UBE2E1: variants seen among roughly 807,000 people sequenced by gnomAD.
The protein encoded by UBE2E1 is ubiquitin conjugating enzyme E2 E1.
Under a neutral mutation model 21.4 loss-of-function variants are expected in UBE2E1, and 6 were observed. That is an observed-to-expected ratio of 0.28 (90% confidence interval 0.15 to 0.55). UBE2E1 has a LOEUF of 0.55. UBE2E1 is among the 20% of genes least tolerant of loss of function. UBE2E1 has a pLI of 0.93. For missense variants in UBE2E1, 142 were observed against 236.5 expected, an observed-to-expected ratio of 0.60 and a Z score of 2.62; for synonymous variants, 87 against 82.7, an observed-to-expected ratio of 1.05 and a Z score of -0.28.
chr3:23,850,079 G>A (rs142525983), intron 3 of UBE2E1, among the ~76,000 whole-genome samples: 1,536 of 152,206 alleles, frequency 0.01, 24 homozygotes, highest in African/African-American at 0.034. Context: ...ATTCTCATTG[G>A]AAAAATGTCT....
At chr3:23,838,844 A>G (rs1370075527) in intron 3 of UBE2E1, among the ~76,000 whole-genome samples, 1 of 142,300 alleles carries the variant, frequency 7.0e-6, no homozygotes, top group African/African-American at 2.6e-5. Flanking sequence ...TCCTATTTGT[A>G]TTTCCTTTTT....
Position 23,887,177 on chromosome 3 carries a change from T to G in UBE2E1, c.204-390T>G, listed in dbSNP as rs1559496313. 6.6e-6 allele frequency among the ~76,000 whole-genome samples: 1 copy of G among 152,218 alleles called. No homozygotes were observed. Among genetic ancestry groups the G allele is most frequent in the Non-Finnish European group, 1.5e-5 (1 of 68,044 alleles). ...GGTCAGAAAATGAAACTTCTGTGCT[T>G]AAAATGGTCATAAGTGATGTAGCTG... On this transcript the variant is annotated intron_variant, in intron 3 of 5. Transcript: ENST00000306627. This position sits in a 1 kb window ranked among gnomAD's most constrained non-coding sequence, Gnocchi z 4.4.
In UBE2E1 at chr3:23,870,978, G is replaced by A. The variant is rs2125319676; in HGVS notation, c.204-16589G>A. Among the ~76,000 whole-genome samples, 1 of 152,308 alleles carries A rather than the reference G, an allele frequency of 6.6e-6. No homozygotes were observed. Among genetic ancestry groups the A allele is most frequent in the South Asian group, 2.1e-4 (1 of 4,826 alleles). ...GAGTGGACACAGCACATGTTTCAGA[G>A]GGCACAGGGTTGGGGGTAAGGTCAC... On this transcript the variant is annotated intron_variant, in intron 3 of 5. Transcript: ENST00000306627. The surrounding 1 kb of genome is among the most constrained non-coding windows in gnomAD (Gnocchi z 4.2).
Position 23,887,573 on chromosome 3 carries a change from T to C in UBE2E1, c.210T>C (p.Gly70=), listed in dbSNP as rs755262309. Residue 70 remains glycine (G), a synonymous_variant, in exon 4 of 6, where the codon GGT becomes GGC. Transcript: ENST00000306627. This position sits in a 1 kb window ranked among gnomAD's most constrained non-coding sequence, Gnocchi z 4.4. ...TLDPPPNCSA[G]PKGDNIYEWR... ...GTTGACGTATTATTCACAGTGCTGG[T>C]CCCAAAGGCGATAACATCTATGAAT... 6.2e-7 allele frequency: 1 copy of C among 1,610,254 alleles called. No homozygotes were observed. Among genetic ancestry groups the C allele is most frequent in the Admixed American group, 1.7e-5 (1 of 58,670 alleles).
In UBE2E1 at chr3:23,807,257, TG is replaced by T. The variant is rs1364984183; in HGVS notation, c.-7del. 4.4e-6 allele frequency: 7 copies of T among 1,607,862 alleles called. No individual in the cohort carries two copies. Among genetic ancestry groups the T allele is most frequent in the South Asian group, 1.1e-5 (1 of 90,582 alleles). Reference sequence around the variant, plus strand: ...TGCAGGGGCTGTTTGCGGGGTGGGGTGGGGGGTTCGCTATGTCGGATGACGA... The same window carrying T: ...TGCAGGGGCTGTTTGCGGGGTGGGGTGGGGGTTCGCTATGTCGGATGACGA... On this transcript the variant is annotated 5_prime_UTR_variant, in exon 2 of 6. Transcript: ENST00000306627.
chr3:23,858,840 A>G lies in UBE2E1; in HGVS notation c.204-28727A>G, dbSNP rs934713116. 3.9e-5 allele frequency among the ~76,000 whole-genome samples: 6 copies of G among 152,236 alleles called. No homozygotes were observed. The South Asian group carries it at 6.2e-4, about 16-fold the overall frequency. ...AAGGGAGCTTGAAAGCTGGCATGCTATCTGCTTACATGTGAGGGAGAGGAG... is the reference window on the plus strand; with the variant it reads ...AAGGGAGCTTGAAAGCTGGCATGCTGTCTGCTTACATGTGAGGGAGAGGAG... On this transcript the variant is annotated intron_variant, in intron 3 of 5. Coordinates refer to ENST00000306627, the MANE Select transcript of UBE2E1 (RefSeq NM_003341.5).
intron 5 of UBE2E1, chr3:23,889,986 T>A (rs1024625324): frequency 6.4e-6 from 1 of 155,684 alleles, no homozygotes; most frequent in Non-Finnish European, 1.4e-5. Flanking sequence ...TTATTAAAGA[T>A]CCTAAGATTC....
At chr3:23,845,837 C>T (rs529598976) in intron 3 of UBE2E1, among the ~76,000 whole-genome samples, 5 of 152,210 alleles carry the variant, frequency 3.3e-5, no homozygotes, top group South Asian at 2.1e-4. Flanking sequence ...AGCTTTATTA[C>T]GGACACCGAT....
rs753112861 is a variant in UBE2E1 at position 23,843,881 on chromosome 3, G to A, written c.203+32371G>A. Among the ~76,000 whole-genome samples the A allele has an allele frequency of 5.9e-5, 9 of 152,238 alleles. No homozygotes were observed. In the Middle Eastern group the frequency reaches 0.01, roughly 173 times the overall value. Reference sequence around the variant, plus strand: ...CTTCTTTCACCCAAATGCTTTTCCTGTGTTTTTATATTTTTATCTCTTTAA... The same window carrying A: ...CTTCTTTCACCCAAATGCTTTTCCTATGTTTTTATATTTTTATCTCTTTAA... On this transcript the variant is annotated intron_variant, in intron 3 of 5. Coordinates refer to ENST00000306627, the MANE Select transcript of UBE2E1 (RefSeq NM_003341.5).
In UBE2E1 at chr3:23,825,959, A is replaced by G. The variant is rs539065038; in HGVS notation, c.203+14449A>G. ...GGAGACTGAGGCTGGAGGATCACTC[A>G]AGGCTGGGAGTTTGAAGCTGTGGTG... On this transcript the variant is annotated intron_variant, in intron 3 of 5. Transcript: ENST00000306627. 4.6e-5 allele frequency among the ~76,000 whole-genome samples: 7 copies of G among 152,280 alleles called. No individual in the cohort carries two copies. The East Asian group carries it at 1.3e-3, about 29-fold the overall frequency.
intron 3 of UBE2E1, among the ~76,000 whole-genome samples, chr3:23,841,062 G>A (rs1420983186): frequency 2.0e-5 from 3 of 152,056 alleles, no homozygotes; most frequent in Non-Finnish European, 4.4e-5. Flanking sequence ...AAGATTAGTC[G>A]TTAGAAAACA....
chr3:23,890,432 C>A, intron 5 of UBE2E1, 77 bp from the exon 6 acceptor site: 1 of 1,411,364 alleles, frequency 7.1e-7, no homozygotes. Context: ...TACGTATCTA[C>A]CCAAGCTGTC....
chr3:23,891,428 G>GTATT lies in UBE2E1; in HGVS notation c.*823_*826dup, dbSNP rs1354759205. ...GCTAAAAATAATGCATATTTAGTAGGTATTAGTTAGTTACCTATATTAGGA... is the reference window on the plus strand; with the variant it reads ...GCTAAAAATAATGCATATTTAGTAGGTATTTATTAGTTAGTTACCTATATTAGGA... On this transcript the variant is annotated 3_prime_UTR_variant, in exon 6 of 6. Transcript: ENST00000306627. 9 of 152,150 alleles carry GTATT rather than the reference G, an allele frequency of 5.9e-5. No individual in the cohort carries two copies. The highest frequency in any genetic ancestry group is 2.6e-4 in the Admixed American group (4 of 15,274). The allele number at this position is 152,150 out of a possible 1,614,324, so 9.4% of individuals were successfully genotyped here. A position where few individuals can be genotyped will look rare whatever the true frequency, so the allele number is the denominator to read the frequency against.
At chr3:23,883,232 CTTG>C (rs1322695360) in intron 3 of UBE2E1, among the ~76,000 whole-genome samples, 5 of 152,170 alleles carry the variant, frequency 3.3e-5, no homozygotes, top group East Asian at 1.9e-4. Flanking sequence ...AGTTGTATTT[CTTG>C]TTGTGGAACC....
intron 3 of UBE2E1, among the ~76,000 whole-genome samples, chr3:23,824,802 C>G (rs1301013367): frequency 2.6e-5 from 4 of 152,144 alleles, no homozygotes; most frequent in African/African-American, 9.7e-5. Flanking sequence ...TGCTTCCTCC[C>G]CTTCCTGCTC....
At chr3:23,844,470 A>G (rs987976043) in intron 3 of UBE2E1, among the ~76,000 whole-genome samples, 3 of 152,192 alleles carry the variant, frequency 2.0e-5, no homozygotes, top group Non-Finnish European at 4.4e-5. Context: ...TTTATCTTAT[A>G]GAAGACCAGA....
intron 3 of UBE2E1, among the ~76,000 whole-genome samples, chr3:23,818,580 T>C (rs959453932): frequency 1.3e-5 from 2 of 152,186 alleles, no homozygotes; most frequent in African/African-American, 4.8e-5. Context: ...GTTTGCTCTG[T>C]CTCTCTCTTA....
intron 3 of UBE2E1, among the ~76,000 whole-genome samples, chr3:23,869,364 T>A (rs868660531): frequency 1.6e-5 from 1 of 61,112 alleles, no homozygotes; most frequent in African/African-American, 4.2e-5. Flanking sequence ...TTTTTTTTTT[T>A]TTTTTTTTTT....
chr3:23,882,484 G>GC (rs944293754), intron 3 of UBE2E1, among the ~76,000 whole-genome samples: 42 of 152,380 alleles, frequency 2.8e-4, no homozygotes, highest in African/African-American at 8.9e-4. Flanking sequence ...TGGATCCTGT[G>GC]CCGGGGCTGC....
Sources: gnomAD v4.1 joint callset for allele counts (sites outside exome capture counted in the v4.1 genomes callset) on GRCh38, gnomAD v4.1.1 for gene constraint, Gnocchi (gnomAD v3.1) non-coding constraint, MANE v1.5 for transcripts, NCBI Gene and HGNC (gene_info 2026-07-23, HGNC 2026-07-21) for gene names.